Variants in IPP observed in about 807,000 individuals in gnomAD.
The protein encoded by IPP is intracisternal A particle-promoted polypeptide.
In IPP, 41 loss-of-function variants were observed where a neutral mutation model predicts 64.1. That is an observed-to-expected ratio of 0.64 (90% confidence interval 0.50 to 0.83). The LOEUF (loss-of-function observed/expected upper bound fraction) is 0.83, where lower values mean the gene tolerates loss of function less well. Ranked by LOEUF, IPP falls within the 40% of genes least tolerant of loss-of-function variation. IPP has a pLI of 0.00. For missense variants in IPP, 649 were observed against 703.0 expected (o/e 0.92, Z 0.87); for synonymous variants, 214 against 235.2 (o/e 0.91, Z 0.83).
chr1:45,698,720 T>TTTTTC lies in IPP; in HGVS notation c.*1245_*1246insGAAAA. On this transcript the variant is annotated 3_prime_UTR_variant, in exon 9 of 9. Transcript: ENST00000396478. ...AAAAAAGGAAGAATTTTTTTTTCTT[T>TTTTTC]TTTTTTTTTTTTTTTTGAGACAGGT... 1 of 207,964 alleles carries TTTTTC rather than the reference T, an allele frequency of 4.8e-6. No homozygotes were observed. Among genetic ancestry groups the TTTTTC allele is most frequent in the Non-Finnish European group, 6.0e-6 (1 of 165,556 alleles). 12.9% of individuals were successfully genotyped at this position (207,964 alleles called of 1,614,324 possible).
intron 3 of IPP, among the ~76,000 whole-genome samples, chr1:45,733,888 A>C (rs1164430331): frequency 9.9e-5 from 15 of 152,084 alleles, no homozygotes; most frequent in Admixed American, 9.8e-4. Context: ...AAAAAGCAAC[A>C]CATAGAAATT....
downstream of IPP, among the ~76,000 whole-genome samples, chr1:45,695,673 A>AT (rs796457039): frequency 2.9e-3 from 420 of 144,370 alleles, 1 homozygote; most frequent in Non-Finnish European, 4.0e-3. Context: ...ATAACCTGGA[A>AT]TTTTTTTTTT....
At chr1:45,749,875 C>T (rs1318256162) in intron 1 of IPP, among the ~76,000 whole-genome samples, 5 of 151,858 alleles carry the variant, frequency 3.3e-5, no homozygotes, top group African/African-American at 1.2e-4. Context: ...TACAGCGAGC[C>T]CCCCGCCGCA....
intron 5 of IPP, among the ~76,000 whole-genome samples, chr1:45,727,043 A>G (rs1470513320): frequency 6.6e-6 from 1 of 151,756 alleles, no homozygotes; most frequent in Admixed American, 6.6e-5. Context: ...GCCATATTCT[A>G]TAAACAACTT....
rs1553189324 is a variant in IPP at position 45,712,878 on chromosome 1, A to AAAAATATATATATATAT, written c.1530+1367_1530+1368insATATATATATATATTTT. On this transcript the variant is annotated intron_variant, in intron 8 of 8. Coordinates refer to ENST00000396478, the MANE Select transcript of IPP (RefSeq NM_005897.3). ...CAAAAAAAAAAAGAAAAAAAAAAAAAATATATATATATATACACACCATCC... is the reference window on the plus strand; with the variant it reads ...CAAAAAAAAAAAGAAAAAAAAAAAAAAAAATATATATATATATATATATATATATATACACACCATCC... Among the ~76,000 whole-genome samples the AAAAATATATATATATAT allele has an allele frequency of 2.9e-5, 4 of 138,650 alleles. No homozygotes were observed. In the East Asian group the frequency reaches 8.3e-4, roughly 29 times the overall value. 91.0% of individuals were successfully genotyped at this position (138,650 alleles called of 152,430 possible).
chr1:45,748,405 T>C (rs1209980944), intron 1 of IPP, among the ~76,000 whole-genome samples: 1 of 152,150 alleles, frequency 6.6e-6, no homozygotes, highest in Non-Finnish European at 1.5e-5. Context: ...CAGTGGCTCA[T>C]ACCTGTAAGC....
intron 5 of IPP, among the ~76,000 whole-genome samples, chr1:45,720,012 G>A (rs189257047): frequency 1.5e-3 from 232 of 151,890 alleles, no homozygotes; most frequent in African/African-American, 4.9e-3. Flanking sequence ...GTGAGACACC[G>A]CACCCAGCCT....
chr1:45,722,461 C>T (rs1156425764), intron 5 of IPP, among the ~76,000 whole-genome samples: 1 of 152,036 alleles, frequency 6.6e-6, no homozygotes, highest in East Asian at 1.9e-4. Context: ...TGAGGCATCA[C>T]TTGAATCCAG....
At chr1:45,720,131 A>G (rs1645713456) in intron 5 of IPP, among the ~76,000 whole-genome samples, 1 of 152,082 alleles carries the variant, frequency 6.6e-6, no homozygotes, top group Non-Finnish European at 1.5e-5. Flanking sequence ...GCTAGAGTGC[A>G]GTGGCACAAT....
intron 8 of IPP, among the ~76,000 whole-genome samples, chr1:45,712,865 GAA>G (rs1185686636): frequency 2.4e-4 from 29 of 120,882 alleles, no homozygotes; most frequent in African/African-American, 8.2e-4. Context: ...AAAAAAAAAA[GAA>G]AAAAAAAAAA....
chr1:45,742,694 C>T (rs1294545644), intron 2 of IPP, among the ~76,000 whole-genome samples: 6 of 151,876 alleles, frequency 4.0e-5, no homozygotes, highest in African/African-American at 1.2e-4. Context: ...CCACCATGAT[C>T]GGCTAATTTT....
downstream of IPP, chr1:45,694,629 G>T: frequency 1.6e-6 from 1 of 643,056 alleles, no homozygotes; most frequent in Admixed American, 2.7e-5. Flanking sequence ...AGGATCTATG[G>T]CTCTAAAGTC....
intron 4 of IPP, 90 bp from the exon 5 acceptor site, chr1:45,727,888 T>C (rs1645852912): frequency 1.0e-6 from 1 of 971,044 alleles, no homozygotes; most frequent in Admixed American, 2.7e-5. Flanking sequence ...AAATAAATGG[T>C]TTAGAAATTA....
Position 45,746,254 on chromosome 1 carries a change from A to G in IPP, c.158T>C (p.Leu53Pro). 6.2e-7 allele frequency: 1 copy of G among 1,614,208 alleles called. No individual in the cohort carries two copies. Among genetic ancestry groups the G allele is most frequent in the South Asian group, 1.1e-5 (1 of 91,088 alleles). ...GTAAGGACTGCTGGCAGCCAAAACC[A>G]GCCGATGAGCTTTAAAACTTTCCTG... ...VGQESFKAHR[L>P]VLAASSPYFA... The change falls in exon 2 of 9, where the codon CTG (leucine) becomes CCG (proline). Residue 53 changes from leucine (L) to proline (P), a missense_variant. Physicochemically the swap from Leu to Pro is moderately conservative, Grantham distance 98. Coordinates refer to ENST00000396478, the MANE Select transcript of IPP (RefSeq NM_005897.3).
chr1:45,722,589 A>G (rs1212259542), intron 5 of IPP, among the ~76,000 whole-genome samples: 1 of 152,082 alleles, frequency 6.6e-6, no homozygotes, highest in African/African-American at 2.4e-5. Context: ...TATGTAAGTA[A>G]AAAGCAAAAA....
chr1:45,738,104 T>TG (rs1174424035), intron 3 of IPP, among the ~76,000 whole-genome samples: 1 of 152,178 alleles, frequency 6.6e-6, no homozygotes, highest in Non-Finnish European at 1.5e-5. Flanking sequence ...AGGCATCCAC[T>TG]GGGGGGTTCT....
downstream of IPP, chr1:45,694,752 C>G (rs564040750): frequency 2.0e-5 from 8 of 403,094 alleles, no homozygotes; most frequent in Non-Finnish European, 3.1e-5. Flanking sequence ...CCCTTACCAC[C>G]AAACACATAA....
At chr1:45,735,621 A>ATTTTTTTTT (rs1160000550) in intron 3 of IPP, among the ~76,000 whole-genome samples, 6 of 57,436 alleles carry the variant, frequency 1.0e-4, no homozygotes, top group Admixed American at 2.4e-4. Flanking sequence ...AGACCTGGCT[A>ATTTTTTTTT]TTTTTTTTTT....
At chr1:45,709,191 TG>T (rs1315962182) in intron 8 of IPP, among the ~76,000 whole-genome samples, 3 of 150,834 alleles carry the variant, frequency 2.0e-5, no homozygotes, top group Non-Finnish European at 4.4e-5. Context: ...CCCAGCCCTT[TG>T]GGAGGCCAAG....
Sources: allele counts gnomAD v4.1 joint callset (sites outside exome capture counted in the v4.1 genomes callset), GRCh38; gene constraint gnomAD v4.1.1; transcripts MANE v1.5; gene names NCBI Gene and HGNC (gene_info 2026-07-23, HGNC 2026-07-21).